PTPRZ1: variants seen among roughly 807,000 people sequenced by gnomAD.
PTPRZ1 encodes the protein protein tyrosine phosphatase receptor type Z1.
PTPRZ1 carries 82 observed loss-of-function variants against 214.1 expected under a neutral mutation model. The ratio of observed to expected loss-of-function variants is 0.38; its 90% CI spans 0.32 to 0.46. PTPRZ1 has a LOEUF of 0.46. PTPRZ1 is among the 20% of genes least tolerant of loss of function. PTPRZ1 has a pLI of 1.00. For synonymous variants in PTPRZ1, 945 were observed against 987.9 expected (o/e 0.96, Z 0.81); for missense variants, 2,603 against 2,748.7 (o/e 0.95, Z 1.19).
At position 122,053,268 on chromosome 7, in the gene PTPRZ1, A is replaced by G. The variant is rs73440969; in HGVS notation, c.6253-642A>G. 3.9e-3 allele frequency among the ~76,000 whole-genome samples: 587 copies of G among 152,242 alleles called. 4 individuals are homozygous for G. Among genetic ancestry groups the G allele is most frequent in the African/African-American group, 0.013 (556 of 41,544 alleles). ...TTTAAAGCAAGCAGGCACAAGTCCC[A>G]GGAGGTTATGTAGTGACTGAGAGGT... On this transcript the variant is annotated intron_variant, in intron 25 of 29. Coordinates refer to ENST00000393386, the MANE Select transcript of PTPRZ1 (RefSeq NM_002851.3).
At chr7:121,992,765 G>C (rs535280364) in intron 8 of PTPRZ1, among the ~76,000 whole-genome samples, 5 of 152,256 alleles carry the variant, frequency 3.3e-5, no homozygotes, top group African/African-American at 1.2e-4. Context: ...TGTCTAGAGT[G>C]CCTAGAACCA....
chr7:122,042,524 C>T (rs1281326845), intron 21 of PTPRZ1, 84 bp from the exon 22 acceptor site: 3 of 1,326,052 alleles, frequency 2.3e-6, no homozygotes, highest in Non-Finnish European at 3.0e-6. Flanking sequence ...TTATTTTAAT[C>T]AACATGACAA....
chr7:122,059,470 T>A, intron 28 of PTPRZ1: 1 of 207,108 alleles, frequency 4.8e-6, no homozygotes, highest in Non-Finnish European at 8.0e-6. Context: ...TATGATACTC[T>A]CAGGTTTTTT....
At position 122,038,897 on chromosome 7, in the gene PTPRZ1, G is replaced by C. The variant is rs548612955; in HGVS notation, c.5502+8G>C. The C allele has an allele frequency of 3.7e-6, 6 of 1,613,448 alleles. No homozygotes were observed. The East Asian group carries it at 6.7e-5, about 18-fold the overall frequency. ...CTCGTGGAGAAAGGAAGGGTATGTA[G>C]ATAATCTGTTATGTCACCCCCAAAA... On this transcript the variant is annotated splice_region_variant and intron_variant, in intron 19 of 29. Transcript: ENST00000393386.
chr7:121,903,966 T>TCACACACACACACACACA (rs57176542), intron 1 of PTPRZ1, among the ~76,000 whole-genome samples: 2,071 of 123,786 alleles, frequency 0.017, 28 homozygotes, highest in South Asian at 0.032. Context: ...TCTTTAAATC[T>TCACACACACACACACACA]CACACACACA....
intron 18 of PTPRZ1, among the ~76,000 whole-genome samples, chr7:122,037,003 T>C (rs1192146893): frequency 6.6e-6 from 1 of 152,146 alleles, no homozygotes; most frequent in Non-Finnish European, 1.5e-5. Flanking sequence ...CTGGGCGCGG[T>C]GGCTCACGCC....
At chr7:121,912,169 A>G (rs1289782283) in intron 1 of PTPRZ1, among the ~76,000 whole-genome samples, 1 of 152,216 alleles carries the variant, frequency 6.6e-6, no homozygotes, top group South Asian at 2.1e-4. Flanking sequence ...AATTAGAAAT[A>G]AAGTTCATAT....
intron 1 of PTPRZ1, among the ~76,000 whole-genome samples, chr7:121,900,720 C>T (rs558236986): frequency 6.8e-4 from 103 of 152,250 alleles, no homozygotes; most frequent in African/African-American, 2.3e-3. Context: ...TGACATAGGA[C>T]CATAAGGACG....
At chr7:122,033,195 A>G (rs1429833435) in intron 15 of PTPRZ1, among the ~76,000 whole-genome samples, 2 of 152,034 alleles carry the variant, frequency 1.3e-5, no homozygotes, top group Non-Finnish European at 2.9e-5. Flanking sequence ...CATTAACTGA[A>G]TAATTAGCTT....
intron 6 of PTPRZ1, among the ~76,000 whole-genome samples, chr7:121,977,441 G>T (rs1797475830): frequency 6.6e-6 from 1 of 152,188 alleles, no homozygotes; most frequent in African/African-American, 2.4e-5. Context: ...GGGCAGAGGA[G>T]TGTAAGCCTA....
intron 2 of PTPRZ1, among the ~76,000 whole-genome samples, chr7:121,951,156 C>T (rs1796530875): frequency 6.6e-6 from 1 of 152,046 alleles, no homozygotes; most frequent in Admixed American, 6.5e-5. Flanking sequence ...TGTTTTATTC[C>T]AAATCAGTTT....
chr7:121,917,324 G>T (rs1277443567), intron 1 of PTPRZ1, among the ~76,000 whole-genome samples: 2 of 152,064 alleles, frequency 1.3e-5, no homozygotes, highest in Non-Finnish European at 2.9e-5. Flanking sequence ...TTTTTAAATT[G>T]CTAGTGGGGA....
At chr7:121,914,577 C>A (rs1795364885) in intron 1 of PTPRZ1, among the ~76,000 whole-genome samples, 1 of 152,108 alleles carries the variant, frequency 6.6e-6, no homozygotes, top group Non-Finnish European at 1.5e-5. Context: ...GTGAAAAATC[C>A]TTGGGACGTG....
At chr7:121,971,414 G>A (rs1797244414) in intron 3 of PTPRZ1, among the ~76,000 whole-genome samples, 1 of 152,110 alleles carries the variant, frequency 6.6e-6, no homozygotes. Flanking sequence ...GTGACAGTAG[G>A]TCTGAAGGCG....
chr7:122,004,726 G>T, intron 11 of PTPRZ1, 66 bp downstream of exon 11: 1 of 952,064 alleles, frequency 1.1e-6, no homozygotes, highest in Non-Finnish European at 1.6e-6. Context: ...TTGTTGCTTG[G>T]GTGTTAGGTA....
chr7:121,928,309 C>A, intron 2 of PTPRZ1, 88 bp downstream of exon 2: 1 of 887,774 alleles, frequency 1.1e-6, no homozygotes, highest in Admixed American at 2.3e-5. Context: ...CTTTGTAGCA[C>A]AACACATCAT....
intron 23 of PTPRZ1, among the ~76,000 whole-genome samples, chr7:122,050,034 A>G (rs1186669565): frequency 6.6e-6 from 1 of 152,140 alleles, no homozygotes; most frequent in African/African-American, 2.4e-5. Flanking sequence ...TTTTCATGTC[A>G]AAAAAAGTAA....
At chr7:121,993,567 T>TCC (rs1798036646) in intron 8 of PTPRZ1, among the ~76,000 whole-genome samples, 1 of 101,216 alleles carries the variant, frequency 9.9e-6, no homozygotes, top group Non-Finnish European at 2.0e-5. Context: ...AGAGCGAGAC[T>TCC]GTCTCAAAAA....
chr7:122,009,231 T>G (rs184305432), intron 11 of PTPRZ1, among the ~76,000 whole-genome samples: 355 of 152,224 alleles, frequency 2.3e-3, no homozygotes, highest in African/African-American at 7.4e-3. Flanking sequence ...ATCGTGTGTT[T>G]CATACAGTGC....
Sources: allele counts gnomAD v4.1 joint callset (sites outside exome capture counted in the v4.1 genomes callset), GRCh38; gene constraint gnomAD v4.1.1; transcripts MANE v1.5; gene names NCBI Gene and HGNC (gene_info 2026-07-23, HGNC 2026-07-21).